MYO16: variants seen among roughly 807,000 people sequenced by gnomAD.
The protein encoded by MYO16 is myosin XVI, also known as unconventional myosin-XVI.
Under a neutral mutation model 205.3 loss-of-function variants are expected in MYO16, and 94 were observed. That is an observed-to-expected ratio of 0.46 (90% CI 0.39 to 0.54). MYO16 has a LOEUF of 0.54. Among genes scored for constraint, MYO16 ranks in the 20% least tolerant of loss-of-function variants. MYO16 has a pLI of 0.00. For missense variants in MYO16, 2,315 were observed against 2,387.5 expected, an observed-to-expected ratio of 0.97 and a Z score of 0.63; for synonymous variants, 988 against 954.0, an observed-to-expected ratio of 1.04 and a Z score of -0.66.
At chr13:108,803,224 T>C (rs1887017703) in intron 6 of MYO16, among the ~76,000 whole-genome samples, 2 of 152,212 alleles carry the variant, frequency 1.3e-5, no homozygotes, top group African/African-American at 2.4e-5. Flanking sequence ...ACATTTGCTC[T>C]GTGCTGCCTT....
At chr13:108,810,830 G>A (rs1887269542) in intron 7 of MYO16, among the ~76,000 whole-genome samples, 2 of 152,094 alleles carry the variant, frequency 1.3e-5, no homozygotes. Flanking sequence ...GGAGAAGGAG[G>A]TAGCTCACAA....
chr13:108,690,138 A>G (rs1173509351), intron 2 of MYO16, among the ~76,000 whole-genome samples: 2 of 152,114 alleles, frequency 1.3e-5, no homozygotes, highest in African/African-American at 4.8e-5. Context: ...GGTGGATACC[A>G]TGCAAAACAA....
At chr13:108,876,631 TTTTAA>T (rs967943895) in intron 12 of MYO16, among the ~76,000 whole-genome samples, 2 of 152,006 alleles carry the variant, frequency 1.3e-5, no homozygotes, top group African/African-American at 4.8e-5. Context: ...ATTTTTTATA[TTTTAA>T]TTAACTCATA....
intron 20 of MYO16, among the ~76,000 whole-genome samples, chr13:108,972,839 T>C (rs1407131148): frequency 2.0e-5 from 3 of 151,630 alleles, no homozygotes; most frequent in Non-Finnish European, 2.9e-5. Context: ...ACGGTAGGGA[T>C]TTTTTGTGGG....
intron 10 of MYO16, among the ~76,000 whole-genome samples, chr13:108,846,930 G>A (rs1877553829): frequency 1.3e-5 from 2 of 152,008 alleles, no homozygotes; most frequent in African/African-American, 4.8e-5. Context: ...TGAAATTATT[G>A]TACATTTCTA....
intron 4 of MYO16, among the ~76,000 whole-genome samples, chr13:108,751,700 C>T (rs1055667198): frequency 2.6e-5 from 4 of 152,112 alleles, no homozygotes; most frequent in Admixed American, 1.3e-4. Context: ...ATTACACACC[C>T]TTCATGTGAT....
rs60685060 is a variant in MYO16 at position 108,807,228 on chromosome 13, A to C, written c.867+424A>C. 2.0e-3 allele frequency among the ~76,000 whole-genome samples: 300 copies of C among 152,316 alleles called. 9 individuals are homozygous for C. In the East Asian group the frequency reaches 0.048, roughly 25 times the overall value. ...TTTAAGTTAATGTGTTCATTTCAGA[A>C]CATTACTTTGGGGTAACAATCACAT... On this transcript the variant is annotated intron_variant, in intron 7 of 34. Coordinates refer to ENST00000457511, the MANE Select transcript of MYO16 (RefSeq NM_001198950.3).
intron 1 of MYO16, among the ~76,000 whole-genome samples, chr13:108,655,244 C>T (rs1407926589): frequency 6.6e-6 from 1 of 152,196 alleles, no homozygotes; most frequent in African/African-American, 2.4e-5. Flanking sequence ...TGTGTGCAGC[C>T]TAGGGACTTA....
chr13:108,579,267 C>T, the MYO16 span, among the ~76,000 whole-genome samples: 1 of 152,076 alleles, frequency 6.6e-6, no homozygotes, highest in African/African-American at 2.4e-5. Context: ...CATGAGTCAC[C>T]ATTGCCTTGC....
Position 108,964,735 on chromosome 13 carries a change from T to A in MYO16, c.2228-26T>A, listed in dbSNP as rs191623662. ...TAAATGAGGGAACCCTTGTGCTCAC[T>A]CCTCCTTTTCTTTCTACCATTTTAG... On this transcript the variant is annotated intron_variant, in intron 19 of 34. Coordinates refer to ENST00000457511, the MANE Select transcript of MYO16 (RefSeq NM_001198950.3). The A allele has an allele frequency of 1.4e-5, 23 of 1,612,272 alleles. No individual in the cohort carries two copies. The African/African-American group carries it at 2.1e-4, about 15-fold the overall frequency.
At chr13:108,905,261 A>G (rs919775730) in intron 15 of MYO16, among the ~76,000 whole-genome samples, 1 of 152,186 alleles carries the variant, frequency 6.6e-6, no homozygotes. Context: ...ACCAGACTCC[A>G]TGGTCTCCTG....
chr13:108,739,166 G>A (rs565948197), intron 4 of MYO16, among the ~76,000 whole-genome samples: 2 of 152,232 alleles, frequency 1.3e-5, no homozygotes, highest in South Asian at 4.1e-4. Flanking sequence ...GTGTGAATTT[G>A]ATCCTGTCAT....
intron 34 of MYO16, among the ~76,000 whole-genome samples, chr13:109,195,832 A>T (rs1043831530): frequency 3.3e-5 from 5 of 152,210 alleles, no homozygotes; most frequent in Non-Finnish European, 7.4e-5. Flanking sequence ...TTATTAATTT[A>T]CATTTATTAA....
chr13:109,017,488 T>C (rs536281824), intron 22 of MYO16, among the ~76,000 whole-genome samples: 1 of 152,272 alleles, frequency 6.6e-6, no homozygotes, highest in South Asian at 2.1e-4. Context: ...GTTCTCTGTA[T>C]TTCCTGAATT....
chr13:109,126,722 A>G (rs941887467), intron 30 of MYO16, among the ~76,000 whole-genome samples: 3 of 152,224 alleles, frequency 2.0e-5, no homozygotes, highest in Non-Finnish European at 2.9e-5. Context: ...AGCTCTGCAC[A>G]TAATTAAATA....
intron 23 of MYO16, among the ~76,000 whole-genome samples, chr13:109,039,741 A>AAAATAGGG (rs1886824027): frequency 6.6e-6 from 1 of 152,194 alleles, no homozygotes; most frequent in Non-Finnish European, 1.5e-5. Flanking sequence ...CGTACGTTAG[A>AAAATAGGG]AAATAGGGAA....
At chr13:108,970,653 C>T (rs1014946875) in intron 20 of MYO16, among the ~76,000 whole-genome samples, 6 of 152,194 alleles carry the variant, frequency 3.9e-5, no homozygotes, top group Admixed American at 1.3e-4. Flanking sequence ...TTCCTGGCCA[C>T]GAACATGGCT....
At chr13:109,007,678 T>A (rs942697571) in intron 21 of MYO16, among the ~76,000 whole-genome samples, 8 of 151,970 alleles carry the variant, frequency 5.3e-5, no homozygotes, top group African/African-American at 9.7e-5. Context: ...TATAGTTTTT[T>A]AAATACTTTA....
At chr13:108,808,562 C>G (rs1887187873) in intron 7 of MYO16, among the ~76,000 whole-genome samples, 1 of 151,968 alleles carries the variant, frequency 6.6e-6, no homozygotes, top group South Asian at 2.1e-4. Flanking sequence ...ATCCACCTGC[C>G]TCACCCTCCC....
Sources: allele counts gnomAD v4.1 joint callset (sites outside exome capture counted in the v4.1 genomes callset), GRCh38; gene constraint gnomAD v4.1.1; transcripts MANE v1.5; gene names NCBI Gene and HGNC (gene_info 2026-07-23, HGNC 2026-07-21).